Variants in CCDC180 observed in about 807,000 individuals in gnomAD.
CCDC180 encodes the protein coiled-coil domain-containing protein 180.
Under a neutral mutation model 209.2 loss-of-function variants are expected in CCDC180, and 154 were observed. The ratio of observed to expected loss-of-function variants is 0.74; its 90% CI spans 0.65 to 0.84. The LOEUF is 0.84. CCDC180 is among the 40% of genes least tolerant of loss of function. The pLI is 0.00. For missense variants in CCDC180, 1,874 were observed against 1,997.3 expected (o/e 0.94, Z 1.18); for synonymous variants, 778 against 749.1 (o/e 1.04, Z -0.63).
At chr9:97,318,727 A>ATCTAGAACACT in intron 10 of CCDC180, 145 bp downstream of exon 10, 1 of 1,106,458 alleles carries the variant, frequency 9.0e-7, no homozygotes, top group Non-Finnish European at 1.3e-6. Flanking sequence ...GGCCACCTGG[A>ATCTAGAACACT]CCATTTCAGC....
At chr9:97,313,815 T>A (rs1833068633) in intron 5 of CCDC180, among the ~76,000 whole-genome samples, 1 of 152,216 alleles carries the variant, frequency 6.6e-6, no homozygotes, top group African/African-American at 2.4e-5. Context: ...CACTGGTGTC[T>A]GGAATGTTCC....
At chr9:97,310,099 A>C (rs1832933475) in intron 3 of CCDC180, among the ~76,000 whole-genome samples, 1 of 152,244 alleles carries the variant, frequency 6.6e-6, no homozygotes, top group Non-Finnish European at 1.5e-5. Flanking sequence ...CTTTCAGGCC[A>C]CAGTCAGTAT....
intron 18 of CCDC180, among the ~76,000 whole-genome samples, chr9:97,336,717 G>T (rs1825914231): frequency 6.6e-6 from 1 of 152,180 alleles, no homozygotes; most frequent in Non-Finnish European, 1.5e-5. Flanking sequence ...TTGGTAGCTT[G>T]ATGGGGATGG....
chr9:97,366,928 G>T lies in CCDC180; in HGVS notation c.4189+228G>T, dbSNP rs1826940112. Among the ~76,000 whole-genome samples, 1 of 152,220 alleles carries T rather than the reference G, an allele frequency of 6.6e-6. No individual in the cohort carries two copies. The highest frequency in any genetic ancestry group is 1.5e-5 in the Non-Finnish European group (1 of 68,034). ...CTTTTCTTGAGAAATATGGTGATTTGTACCTCTAAAAATATTTTGTTTCTT... is the reference window on the plus strand; with the variant it reads ...CTTTTCTTGAGAAATATGGTGATTTTTACCTCTAAAAATATTTTGTTTCTT... On this transcript the variant is annotated intron_variant, in intron 31 of 36. Transcript: ENST00000529487. The surrounding 1 kb of genome is among the most constrained non-coding windows in gnomAD (Gnocchi z 4.3).
chr9:97,307,510 C>A (rs1331567280), upstream of CCDC180: 6 of 607,866 alleles, frequency 9.9e-6, no homozygotes, highest in Middle Eastern at 2.6e-4. Flanking sequence ...GTTGGGTCTT[C>A]TCAGCACACA....
intron 24 of CCDC180, among the ~76,000 whole-genome samples, chr9:97,356,652 A>G (rs1474285457): frequency 1.3e-5 from 2 of 152,194 alleles, no homozygotes; most frequent in Non-Finnish European, 2.9e-5. Flanking sequence ...TTTGAGGAGT[A>G]TATTCCTAAT....
At chr9:97,327,475 G>A (rs964856192) in intron 15 of CCDC180, among the ~76,000 whole-genome samples, 1 of 151,902 alleles carries the variant, frequency 6.6e-6, no homozygotes, top group African/African-American at 2.4e-5. Flanking sequence ...TTTTCTATTG[G>A]TTCCAATTTC....
intron 10 of CCDC180, among the ~76,000 whole-genome samples, chr9:97,319,897 A>G (rs1833300441): frequency 6.6e-6 from 1 of 152,162 alleles, no homozygotes; most frequent in African/African-American, 2.4e-5. Flanking sequence ...CCCTGGAAAA[A>G]TTATGTTCTT....
At chr9:97,376,642 A>G (rs1827266400) in intron 36 of CCDC180, 121 bp from the exon 37 acceptor site, 1 of 992,446 alleles carries the variant, frequency 1.0e-6, no homozygotes, top group Non-Finnish European at 1.5e-6. Context: ...TGACTTGGAG[A>G]ACTCTTGCCA....
chr9:97,360,823 C>T (rs1826731648), intron 26 of CCDC180, among the ~76,000 whole-genome samples: 1 of 152,196 alleles, frequency 6.6e-6, no homozygotes, highest in South Asian at 2.1e-4. Flanking sequence ...GCAGAGCCTG[C>T]ATCACCCCCA....
intron 22 of CCDC180, among the ~76,000 whole-genome samples, chr9:97,354,215 A>G (rs1297586829): frequency 1.3e-5 from 2 of 149,908 alleles, no homozygotes; most frequent in African/African-American, 4.9e-5. Context: ...CTAATCTTGA[A>G]CTCCTGGCCT....
Position 97,374,651 on chromosome 9 carries a change from GA to G in CCDC180, c.4706+4del. 1 of 1,610,852 alleles carries G rather than the reference GA, an allele frequency of 6.2e-7. No homozygotes were observed. Among genetic ancestry groups the G allele is most frequent in the African/African-American group, 1.3e-5 (1 of 75,000 alleles). On this transcript the variant is annotated splice_donor_region_variant and intron_variant, in intron 35 of 36. Transcript: ENST00000529487. ...CCCCTGATTGAACGTGGAAGCAGGT[GA>G]GAACCAAGAGCAGCAAGGACTACTG... is the stretch of plus-strand genomic sequence containing the variant.
At chr9:97,344,020 A>G (rs1826172098) in intron 19 of CCDC180, among the ~76,000 whole-genome samples, 1 of 152,278 alleles carries the variant, frequency 6.6e-6, no homozygotes, top group Admixed American at 6.5e-5. Context: ...ATCCATGTCC[A>G]TCGCTAGAAG....
At position 97,332,670 on chromosome 9, in the gene CCDC180, G is replaced by A. The variant is rs558439885; in HGVS notation, c.2274+1903G>A. 8.5e-5 allele frequency among the ~76,000 whole-genome samples: 13 copies of A among 152,090 alleles called. No individual in the cohort carries two copies. The South Asian group carries it at 1.9e-3, about 22-fold the overall frequency. On this transcript the variant is annotated intron_variant, in intron 18 of 36. Transcript: ENST00000529487. The stretch of plus-strand genomic sequence containing the variant: ...GGATTGCTTTCCTGATTTGGCTCTC[G>A]GCTTAGATGTTGTTGGTGTGTAGGA...
intron 20 of CCDC180, among the ~76,000 whole-genome samples, chr9:97,348,115 G>A (rs1038880524): frequency 5.0e-4 from 10 of 20,112 alleles, no homozygotes; most frequent in Non-Finnish European, 7.8e-4. Flanking sequence ...CTGTTAATGC[G>A]GGGCGGGGGG....
chr9:97,367,271 T>C lies in CCDC180; in HGVS notation c.4189+571T>C, dbSNP rs1003351607. Among the ~76,000 whole-genome samples, 7 of 152,298 alleles carry C rather than the reference T, an allele frequency of 4.6e-5. No individual in the cohort carries two copies. In the East Asian group the frequency reaches 1.4e-3, roughly 29 times the overall value. ...TAGATGGTGCCAGTACTTCATTCCTTTTTATCAATGAATAATATTCCATTG... is the reference window on the plus strand; with the variant it reads ...TAGATGGTGCCAGTACTTCATTCCTCTTTATCAATGAATAATATTCCATTG... On this transcript the variant is annotated intron_variant, in intron 31 of 36. Transcript: ENST00000529487.
intron 17 of CCDC180, 41 bp downstream of exon 17, chr9:97,330,234 A>T: frequency 6.2e-7 from 1 of 1,612,208 alleles, no homozygotes; most frequent in Non-Finnish European, 8.5e-7. Flanking sequence ...CCCAGACTTC[A>T]CTCTTACGCG....
At chr9:97,342,563 G>A (rs1826118261) in intron 18 of CCDC180, among the ~76,000 whole-genome samples, 1 of 152,176 alleles carries the variant, frequency 6.6e-6, no homozygotes, top group African/African-American at 2.4e-5. Context: ...ACTGGTGTAA[G>A]CTACTGCACC....
At chr9:97,315,951 C>A (rs1373660601) in intron 8 of CCDC180, among the ~76,000 whole-genome samples, 1 of 152,222 alleles carries the variant, frequency 6.6e-6, no homozygotes, top group Non-Finnish European at 1.5e-5. Context: ...ATGCATTTAA[C>A]ACCTTCATAA....
Sources: allele counts gnomAD v4.1 joint callset (sites outside exome capture counted in the v4.1 genomes callset), GRCh38; gene constraint gnomAD v4.1.1; non-coding constraint Gnocchi (gnomAD v3.1); transcripts MANE v1.5; gene names NCBI Gene and HGNC (gene_info 2026-07-23, HGNC 2026-07-21).